NUP214: variants seen among roughly 807,000 people sequenced by gnomAD.
The protein encoded by NUP214 is nucleoporin 214.
Under a neutral mutation model 196.2 loss-of-function variants are expected in NUP214, and 79 were observed. That is an observed-to-expected ratio of 0.40 (90% CI 0.34 to 0.49). The LOEUF (loss-of-function observed/expected upper bound fraction) is 0.49. Ranked by LOEUF, NUP214 falls within the 20% of genes least tolerant of loss-of-function variation. The pLI is 0.58. For missense variants in NUP214, 2,468 were observed against 2,539.0 expected, an observed-to-expected ratio of 0.97 and a Z score of 0.60; for synonymous variants, 1,020 against 990.5, an observed-to-expected ratio of 1.03 and a Z score of -0.56.
chr9:131,169,120 C>T (rs1030301274), intron 21 of NUP214, among the ~76,000 whole-genome samples: 12 of 146,844 alleles, frequency 8.2e-5, no homozygotes, highest in African/African-American at 3.0e-4. Context: ...GCAACCTCTG[C>T]CTCCTGGGTT....
chr9:131,178,593 G>A (rs1833180403), intron 24 of NUP214, among the ~76,000 whole-genome samples, 183 bp downstream of exon 24: 1 of 152,142 alleles, frequency 6.6e-6, no homozygotes, highest in South Asian at 2.1e-4. Flanking sequence ...TTTTTAACTG[G>A]CCGGTGACAG....
chr9:131,193,206 G>A (rs552721608), intron 27 of NUP214, among the ~76,000 whole-genome samples: 1 of 152,180 alleles, frequency 6.6e-6, no homozygotes, highest in Non-Finnish European at 1.5e-5. Flanking sequence ...TGTGCCCTGA[G>A]CGCTCATGTT....
At chr9:131,208,217 T>C (rs1301221568) in intron 30 of NUP214, among the ~76,000 whole-genome samples, 2 of 152,186 alleles carry the variant, frequency 1.3e-5, no homozygotes, top group Non-Finnish European at 2.9e-5. Flanking sequence ...GCAATTCTGC[T>C]CTGGGGTAGA....
At chr9:131,177,599 T>C (rs1463268837) in intron 23 of NUP214, among the ~76,000 whole-genome samples, 1 of 152,194 alleles carries the variant, frequency 6.6e-6, no homozygotes, top group Admixed American at 6.5e-5. Context: ...TCTGTCATTC[T>C]GCTTGTGATA....
At chr9:131,200,250 T>G (rs1240099099) in intron 29 of NUP214, among the ~76,000 whole-genome samples, 2 of 152,226 alleles carry the variant, frequency 1.3e-5, no homozygotes, top group African/African-American at 4.8e-5. Flanking sequence ...AATTGAGTCT[T>G]GTCTAAGCTC....
At chr9:131,150,290 C>CT in intron 14 of NUP214, 34 bp from the exon 15 acceptor site, 1 of 1,589,378 alleles carries the variant, frequency 6.3e-7, no homozygotes, top group Non-Finnish European at 8.6e-7. Flanking sequence ...GAAGCTATGA[C>CT]TTGCAGTTTT....
chr9:131,138,232 TCCTCC>T (rs1177472830), intron 9 of NUP214, among the ~76,000 whole-genome samples: 1 of 137,148 alleles, frequency 7.3e-6, no homozygotes, highest in Admixed American at 7.5e-5. Context: ...CCCTCCGCTC[TCCTCC>T]CCTCCCCTCC....
At chr9:131,131,626 A>G (rs1244699199) in intron 5 of NUP214, among the ~76,000 whole-genome samples, 1 of 152,204 alleles carries the variant, frequency 6.6e-6, no homozygotes, top group Non-Finnish European at 1.5e-5. Context: ...ACCTGTAAAA[A>G]GATAATGCAA....
chr9:131,209,165 G>A (rs1460410400), intron 30 of NUP214, among the ~76,000 whole-genome samples: 2 of 152,088 alleles, frequency 1.3e-5, no homozygotes, highest in Admixed American at 6.5e-5. Context: ...TTGAGCTCAG[G>A]AGTTTGAGAC....
In NUP214 at chr9:131,195,304, CTG is replaced by C. The variant is rs778018148; in HGVS notation, c.3721+14_3721+15del. On this transcript the variant is annotated intron_variant, in intron 28 of 35. Transcript: ENST00000359428. ...TTCACTGCTGCACAAGGTACAGACTCTGTGTTGAGTAGCATTACTCATGTGTT... is the reference window on the plus strand; with the variant it reads ...TTCACTGCTGCACAAGGTACAGACTCTGTTGAGTAGCATTACTCATGTGTT... The C allele has an allele frequency of 4.4e-6, 7 of 1,608,480 alleles. No homozygotes were observed. The South Asian group carries it at 4.4e-5, about 10-fold the overall frequency.
intron 12 of NUP214, among the ~76,000 whole-genome samples, chr9:131,145,073 C>T (rs1457391076): frequency 6.6e-6 from 1 of 152,120 alleles, no homozygotes; most frequent in Non-Finnish European, 1.5e-5. Context: ...AGTATGCATC[C>T]TGGAAGGGAA....
rs751690028 is a variant in NUP214 at position 131,163,144 on chromosome 9, G to C, written c.2694G>C (p.Ser898=). 5.0e-6 allele frequency: 8 copies of C among 1,613,454 alleles called. No homozygotes were observed. The South Asian group carries it at 8.8e-5, about 18-fold the overall frequency. The change falls in exon 19 of 36, where the codon TCG becomes TCC. Residue 898 remains serine (S), a synonymous_variant. Coordinates refer to ENST00000359428, the MANE Select transcript of NUP214 (RefSeq NM_005085.4). ...YKQTSLWSLS[S]AVPSQSSIHS... ...AGACTTCCCTGTGGAGCCTGTCCTC[G>C]GCTGTTCCTTCCCAGAGCAGCATTC...
At chr9:131,158,721 A>G (rs1832533611) in intron 17 of NUP214, among the ~76,000 whole-genome samples, 1 of 152,250 alleles carries the variant, frequency 6.6e-6, no homozygotes, top group Non-Finnish European at 1.5e-5. Flanking sequence ...GAAAATTCCC[A>G]GACCATGGAA....
intron 28 of NUP214, among the ~76,000 whole-genome samples, chr9:131,196,850 A>G (rs771658879): frequency 2.1e-4 from 32 of 152,254 alleles, no homozygotes; most frequent in Non-Finnish European, 3.7e-4. Context: ...GGAGGTCCAC[A>G]GGCCATTGCT....
At chr9:131,130,137 G>GTTTTGTTTTTTTTTTTTTTTTTTTTT (rs1564176236) in intron 4 of NUP214, among the ~76,000 whole-genome samples, 10 of 76,930 alleles carry the variant, frequency 1.3e-4, no homozygotes, top group South Asian at 5.6e-4. Context: ...TTCTGGTTTT[G>GTTTTGTTTTTTTTTTTTTTTTTTTTT]TTTTTTTTTT....
intron 5 of NUP214, 59 bp from the exon 6 acceptor site, chr9:131,132,537 T>C: frequency 7.0e-7 from 1 of 1,430,222 alleles, no homozygotes; most frequent in Non-Finnish European, 9.9e-7. Flanking sequence ...TTTGACAGTT[T>C]GATTGGTTTA....
intron 26 of NUP214, among the ~76,000 whole-genome samples, chr9:131,189,645 A>G (rs1343665937): frequency 6.6e-6 from 1 of 152,174 alleles, no homozygotes; most frequent in Non-Finnish European, 1.5e-5. Flanking sequence ...TTATGGCTTC[A>G]CGTAACTTCT....
chr9:131,154,845 G>A (rs1313410389), intron 17 of NUP214, among the ~76,000 whole-genome samples: 4 of 151,280 alleles, frequency 2.6e-5, no homozygotes, highest in East Asian at 3.9e-4. Flanking sequence ...GTGTGTGTGC[G>A]CACGCGCACG....
intron 1 of NUP214, chr9:131,126,024 T>G: frequency 2.0e-6 from 1 of 492,192 alleles, no homozygotes; most frequent in Admixed American, 4.0e-5. Context: ...GTTTATTGAG[T>G]GTTGACTGTG....
Sources: allele counts gnomAD v4.1 joint callset (sites outside exome capture counted in the v4.1 genomes callset), GRCh38; gene constraint gnomAD v4.1.1; transcripts MANE v1.5; gene names NCBI Gene and HGNC (gene_info 2026-07-23, HGNC 2026-07-21).